The following CACNA1A variants were observed in gnomAD, a reference collection of about 807,000 sequenced individuals.
The protein encoded by CACNA1A is calcium voltage-gated channel subunit alpha1 A.
CACNA1A carries 57 observed loss-of-function variants against 262.4 expected under a neutral mutation model. That is an observed-to-expected ratio of 0.22 (90% CI 0.18 to 0.27). The LOEUF (loss-of-function observed/expected upper bound fraction) is 0.27. Ranked by LOEUF, CACNA1A falls within the 10% of genes least tolerant of loss-of-function variation. The probability of loss-of-function intolerance (pLI) is 1.00; values close to 1 mark genes in which losing one functional copy is unlikely to be tolerated. For missense variants in CACNA1A, 2,526 were observed against 3,562.8 expected, an observed-to-expected ratio of 0.71 and a Z score of 7.41; for synonymous variants, 1,431 against 1,419.3, an observed-to-expected ratio of 1.01 and a Z score of -0.18.
At chr19:13,355,967 A>G (rs2059000884) in intron 6 of CACNA1A, among the ~76,000 whole-genome samples, 1 of 152,208 alleles carries the variant, frequency 6.6e-6, no homozygotes. Context: ...GGCAGAAATC[A>G]TCCCTGGGCG....
At chr19:13,283,512 C>G in intron 21 of CACNA1A, 116 bp from the exon 22 acceptor site, 1 of 1,360,816 alleles carries the variant, frequency 7.3e-7, no homozygotes, top group Non-Finnish European at 1.0e-6. Context: ...CCAAGGCCTC[C>G]TACACAACAA....
In CACNA1A at chr19:13,393,662, C is replaced by CTT. The variant is rs555654556; in HGVS notation, c.540-21885_540-21884dup. 3.5e-3 allele frequency among the ~76,000 whole-genome samples: 511 copies of CTT among 146,732 alleles called. 3 individuals carry two copies. Among genetic ancestry groups the CTT allele is most frequent in the Non-Finnish European group, 5.8e-3 (387 of 66,984 alleles). ...TTTCTCTTTCTTTCTCTGTCTTCCT[C>CTT]TTTTCTTTCTTTCTCTTTCTTTCCT... On this transcript the variant is annotated intron_variant, in intron 3 of 46. Coordinates refer to ENST00000360228, the MANE Select transcript of CACNA1A (RefSeq NM_001127222.2).
At chr19:13,438,646 C>A (rs901396942) in intron 3 of CACNA1A, among the ~76,000 whole-genome samples, 1 of 152,214 alleles carries the variant, frequency 6.6e-6, no homozygotes, top group Non-Finnish European at 1.5e-5. Flanking sequence ...ATGAGCTCAA[C>A]TGAGACCAGA....
At chr19:13,418,897 AT>A (rs1378655585) in intron 3 of CACNA1A, among the ~76,000 whole-genome samples, 1 of 151,654 alleles carries the variant, frequency 6.6e-6, no homozygotes, top group African/African-American at 2.4e-5. Context: ...TATGTTTTTT[AT>A]TTTTTATTTT....
chr19:13,445,836 GAAC>G (rs1419257956), intron 3 of CACNA1A, among the ~76,000 whole-genome samples: 1 of 152,136 alleles, frequency 6.6e-6, no homozygotes, highest in African/African-American at 2.4e-5. Flanking sequence ...GAGTTACAAA[GAAC>G]AAACAGATGT....
rs1187916307 is a variant in CACNA1A at position 13,257,529 on chromosome 19, C to A, written c.4411G>T (p.Ala1471Ser). The change falls in exon 28 of 47, where the codon GCC becomes TCC. Residue 1471 changes from alanine (A) to serine (S), a missense_variant. By Grantham distance (99) the Ala-to-Ser change is moderately conservative. Transcript: ENST00000360228. The stretch of plus-strand genomic sequence containing the variant: ...CTGGGGCCCTGGTTCTCAAAGGTGG[C>A]GTCCACCGAATGCTTGAGGACCCTG... ...WPQVLKHSVDATFENQGPSPG... is the reference protein window; with the variant it reads ...WPQVLKHSVDSTFENQGPSPG... The A allele has an allele frequency of 6.3e-7, 1 of 1,587,224 alleles. No homozygotes were observed. Among genetic ancestry groups the A allele is most frequent in the Non-Finnish European group, 8.6e-7 (1 of 1,166,048 alleles).
At chr19:13,230,034 C>T (rs932796005) in intron 36 of CACNA1A, 48 bp downstream of exon 36, 7 of 1,595,578 alleles carry the variant, frequency 4.4e-6, no homozygotes, top group African/African-American at 1.3e-5. Context: ...GTTCCAGTTC[C>T]AGGGAGAGGT....
rs376551706 is a variant in CACNA1A, at chr19:13,447,371, C to A, written c.539+5505G>T. On this transcript the variant is annotated intron_variant, in intron 3 of 46. Coordinates refer to ENST00000360228, the MANE Select transcript of CACNA1A (RefSeq NM_001127222.2). ...TGACAGGAAACTAGAAGAAAGGCCA[C>A]CTTGTTGTAAGCAGGGAGATACAAA... is the stretch of plus-strand genomic sequence containing the variant. Among the ~76,000 whole-genome samples the A allele has an allele frequency of 2.7e-4, 41 of 152,240 alleles. No individual in the cohort carries two copies. The East Asian group carries it at 5.2e-3, about 19-fold the overall frequency.
Position 13,279,139 on chromosome 19 carries a change from G to A in CACNA1A, c.3823-2011C>T, listed in dbSNP as rs1440040985. Among the ~76,000 whole-genome samples the A allele has an allele frequency of 3.9e-5, 6 of 152,260 alleles. No homozygotes were observed. The South Asian group carries it at 1.2e-3, about 32-fold the overall frequency. On this transcript the variant is annotated intron_variant, in intron 22 of 46. Transcript: ENST00000360228. ...TGAATGGAAGGAAAGAAGGAAGAGA[G>A]GGAGCTGGGAAAGGGCAGGCCGTGG...
rs3816028 is a variant in CACNA1A, at chr19:13,214,759, A to C, written c.5732-151T>G. The C allele has an allele frequency of 7.7e-6, 5 of 652,840 alleles. No homozygotes were observed. Among genetic ancestry groups the C allele is most frequent in the East Asian group, 5.4e-5 (2 of 36,722 alleles). 40.4% of individuals were successfully genotyped at this position (652,840 alleles called of 1,614,324 possible). On this transcript the variant is annotated intron_variant, in intron 38 of 46. Coordinates refer to ENST00000360228, the MANE Select transcript of CACNA1A (RefSeq NM_001127222.2). This position sits in a 1 kb window ranked among gnomAD's most constrained non-coding sequence, Gnocchi z 4.1. ...GTTCCCCAACGGCCTGGCCCAGAGGAGGCCCTGGGCAGTGCTGCTGGAATG... is the reference window on the plus strand; with the variant it reads ...GTTCCCCAACGGCCTGGCCCAGAGGCGGCCCTGGGCAGTGCTGCTGGAATG...
intron 3 of CACNA1A, among the ~76,000 whole-genome samples, chr19:13,432,376 T>C (rs1599441372): frequency 1.3e-5 from 2 of 150,410 alleles, no homozygotes; most frequent in African/African-American, 2.4e-5. Flanking sequence ...GATGGCACCA[T>C]TGCACTCCAG....
At chr19:13,369,582 G>A (rs907980077) in intron 4 of CACNA1A, among the ~76,000 whole-genome samples, 1 of 152,208 alleles carries the variant, frequency 6.6e-6, no homozygotes, top group African/African-American at 2.4e-5. Context: ...TCCCTCATAC[G>A]ATTAGATGAG....
Position 13,212,084 on chromosome 19 carries a change from C to T in CACNA1A, c.6303+19G>A. ...CAGAGTGAGGGGTCCAGCCCCAGGG[C>T]AGTGGTGAAAGCCCTCACCTGGTTC... On this transcript the variant is annotated intron_variant, in intron 43 of 46. Coordinates refer to ENST00000360228, the MANE Select transcript of CACNA1A (RefSeq NM_001127222.2). This position sits in a 1 kb window ranked among gnomAD's most constrained non-coding sequence, Gnocchi z 5.6. The T allele has an allele frequency of 6.4e-7, 1 of 1,560,606 alleles. No homozygotes were observed. Among genetic ancestry groups the T allele is most frequent in the Non-Finnish European group, 8.8e-7 (1 of 1,134,224 alleles).
intron 3 of CACNA1A, among the ~76,000 whole-genome samples, chr19:13,438,687 GCCAC>G (rs1189408532): frequency 6.6e-6 from 1 of 152,166 alleles, no homozygotes; most frequent in Non-Finnish European, 1.5e-5. Context: ...AGCCTAAACT[GCCAC>G]CCTTCAGAAT....
intron 3 of CACNA1A, among the ~76,000 whole-genome samples, chr19:13,410,830 T>G (rs1438279741): frequency 6.6e-6 from 1 of 152,154 alleles, no homozygotes; most frequent in Non-Finnish European, 1.5e-5. Flanking sequence ...TGAAATGGCT[T>G]AGCACTTTCC....
At chr19:13,418,110 C>T (rs981693074) in intron 3 of CACNA1A, among the ~76,000 whole-genome samples, 38 of 152,192 alleles carry the variant, frequency 2.5e-4, no homozygotes, top group African/African-American at 8.7e-4. Flanking sequence ...GGCTCTGCCA[C>T]TTACTGTTCC....
At chr19:13,413,331 C>T (rs1364841098) in intron 3 of CACNA1A, among the ~76,000 whole-genome samples, 1 of 151,348 alleles carries the variant, frequency 6.6e-6, no homozygotes, top group Non-Finnish European at 1.5e-5. Context: ...TGGTCTCAAT[C>T]TCCTGACCTC....
intron 44 of CACNA1A, among the ~76,000 whole-genome samples, 166 bp downstream of exon 44, chr19:13,210,451 A>G (rs1171195232): frequency 6.6e-6 from 1 of 152,062 alleles, no homozygotes; most frequent in African/African-American, 2.4e-5. Flanking sequence ...GGGCACACAC[A>G]GGACACCACA....
At chr19:13,447,636 C>T (rs1286721085) in intron 3 of CACNA1A, among the ~76,000 whole-genome samples, 1 of 152,198 alleles carries the variant, frequency 6.6e-6, no homozygotes, top group Non-Finnish European at 1.5e-5. Flanking sequence ...TCAGAGTCCT[C>T]AAACCTCAAA....
Sources: gnomAD v4.1 joint callset for allele counts (sites outside exome capture counted in the v4.1 genomes callset) on GRCh38, gnomAD v4.1.1 for gene constraint, Gnocchi (gnomAD v3.1) non-coding constraint, MANE v1.5 for transcripts, NCBI Gene and HGNC (gene_info 2026-07-23, HGNC 2026-07-21) for gene names.